Variants in HIVEP3 observed in about 807,000 individuals in gnomAD.
HIVEP3 encodes the protein HIVEP zinc finger 3, also known as transcription factor HIVEP3.
Under a neutral mutation model 152.8 loss-of-function variants are expected in HIVEP3, and 49 were observed. That is an observed-to-expected ratio of 0.32 (90% CI 0.26 to 0.41). The LOEUF (loss-of-function observed/expected upper bound fraction) is 0.41, where lower values mean the gene tolerates loss of function less well. HIVEP3 is among the 10% of genes least tolerant of loss of function. The probability of loss-of-function intolerance (pLI) is 1.00; values close to 1 mark genes in which losing one functional copy is unlikely to be tolerated. For synonymous variants in HIVEP3, 1,269 were observed against 1,289.0 expected, an observed-to-expected ratio of 0.98 and a Z score of 0.33; for missense variants, 2,790 against 3,103.3, an observed-to-expected ratio of 0.90 and a Z score of 2.40.
chr1:41,683,458 T>C (rs775203661), intron 2 of HIVEP3, among the ~76,000 whole-genome samples: 3 of 152,230 alleles, frequency 2.0e-5, no homozygotes, highest in Admixed American at 6.5e-5. Context: ...AGCTGTGAAG[T>C]GCTAACAATT....
chr1:41,951,672 G>A (rs570962084), intron 1 of HIVEP3, among the ~76,000 whole-genome samples: 25 of 152,138 alleles, frequency 1.6e-4, no homozygotes, highest in Non-Finnish European at 7.4e-5. Flanking sequence ...CTCAGGAAAC[G>A]TACAATCATG....
chr1:41,795,345 T>G (rs1207324568), intron 1 of HIVEP3, among the ~76,000 whole-genome samples: 2 of 152,158 alleles, frequency 1.3e-5, no homozygotes, highest in Non-Finnish European at 2.9e-5. Context: ...GGGCTGTGGG[T>G]TTTTGGAGGA....
intron 1 of HIVEP3, among the ~76,000 whole-genome samples, chr1:41,707,885 G>A (rs1646457593): frequency 2.0e-5 from 3 of 152,250 alleles, no homozygotes; most frequent in African/African-American, 7.2e-5. Flanking sequence ...GCTATCTGCA[G>A]CAATAGACCT....
chr1:41,639,305 C>T (rs1645335713), intron 2 of HIVEP3, among the ~76,000 whole-genome samples: 1 of 152,076 alleles, frequency 6.6e-6, no homozygotes, highest in Non-Finnish European at 1.5e-5. Context: ...TACTGGCATG[C>T]CTCATTTACC....
rs114167118 is a variant in HIVEP3, at chr1:41,878,447, A to G, written c.-801+39966T>C. Among the ~76,000 whole-genome samples the G allele has an allele frequency of 4.3e-4, 66 of 152,342 alleles. 1 individual carries two copies. Among genetic ancestry groups the G allele is most frequent in the African/African-American group, 1.5e-3 (63 of 41,572 alleles). ...TTCACAAGAAAAAAAGGGTAAGATT[A>G]TATCTAAACATTTCATTAGCATAAA... On this transcript the variant is annotated intron_variant, in intron 1 of 8. Coordinates refer to ENST00000372583, the MANE Select transcript of HIVEP3 (RefSeq NM_024503.5).
chr1:41,633,422 G>A (rs1250695963), intron 2 of HIVEP3, among the ~76,000 whole-genome samples: 3 of 152,202 alleles, frequency 2.0e-5, no homozygotes, highest in Admixed American at 1.3e-4. Context: ...GCTGGAGTGG[G>A]GTCCTGAAAT....
At chr1:41,930,721 A>C (rs967336140) in intron 1 of HIVEP3, among the ~76,000 whole-genome samples, 3 of 152,168 alleles carry the variant, frequency 2.0e-5, no homozygotes, top group Non-Finnish European at 4.4e-5. Context: ...ACCATTGTGC[A>C]TTCTTAACAA....
intron 1 of HIVEP3, among the ~76,000 whole-genome samples, chr1:41,780,821 G>A (rs1409472922): frequency 6.6e-6 from 1 of 152,192 alleles, no homozygotes; most frequent in Non-Finnish European, 1.5e-5. Flanking sequence ...AGCCAGGCAT[G>A]GAAGGTAGTG....
In HIVEP3 at chr1:41,524,722, GACTCTCTCT is replaced by G; in HGVS notation, c.5383+4_5383+12del. 1 of 1,612,678 alleles carries G rather than the reference GACTCTCTCT, an allele frequency of 6.2e-7. No individual in the cohort carries two copies. The highest frequency in any genetic ancestry group is 8.5e-7 in the Non-Finnish European group (1 of 1,179,488). ...AGCGGGCAGGGGCAGTGCCCCAGCT[GACTCTCTCT>G]TACCTTTGGTTTTAAAAGCAAAGTG... is the stretch of plus-strand genomic sequence containing the variant. On this transcript the variant is annotated splice_donor_5th_base_variant and intron_variant, in intron 6 of 8. Transcript: ENST00000372583.
At chr1:41,613,861 T>C (rs1644930354) in intron 3 of HIVEP3, among the ~76,000 whole-genome samples, 1 of 152,230 alleles carries the variant, frequency 6.6e-6, no homozygotes, top group African/African-American at 2.4e-5. Context: ...CTAGTTTCCA[T>C]CTCTATAAAT....
At chr1:41,816,759 T>C (rs796088328) in intron 1 of HIVEP3, among the ~76,000 whole-genome samples, 1 of 152,316 alleles carries the variant, frequency 6.6e-6, no homozygotes, top group African/African-American at 2.4e-5. Flanking sequence ...TATGTGTTTT[T>C]ATGTGTGGTT....
At chr1:42,001,809 C>G (rs1377607889) in intron 1 of HIVEP3, among the ~76,000 whole-genome samples, 2 of 152,118 alleles carry the variant, frequency 1.3e-5, no homozygotes, top group African/African-American at 4.8e-5. Context: ...CAGTCACTGC[C>G]TAAGTCTCCG....
At chr1:41,597,512 A>G (rs1644684233) in intron 3 of HIVEP3, among the ~76,000 whole-genome samples, 2 of 152,202 alleles carry the variant, frequency 1.3e-5, no homozygotes, top group South Asian at 4.1e-4. Context: ...ATTCCTCACA[A>G]TGACCCTTCA....
At chr1:41,894,474 C>T (rs1644498406) in intron 1 of HIVEP3, among the ~76,000 whole-genome samples, 1 of 152,224 alleles carries the variant, frequency 6.6e-6, no homozygotes, top group Non-Finnish European at 1.5e-5. Flanking sequence ...TCTCAACCTT[C>T]ATTCCATGTT....
chr1:41,544,867 C>T (rs890267225), intron 5 of HIVEP3, among the ~76,000 whole-genome samples: 27 of 118,766 alleles, frequency 2.3e-4, no homozygotes, highest in East Asian at 4.7e-4. Context: ...ACCACCACCA[C>T]CACCACCACT....
At chr1:41,852,104 G>A (rs899434390) in intron 1 of HIVEP3, among the ~76,000 whole-genome samples, 6 of 152,258 alleles carry the variant, frequency 3.9e-5, no homozygotes, top group Non-Finnish European at 8.8e-5. Context: ...GCTCTGGAGA[G>A]ATCCAAATAG....
intron 1 of HIVEP3, among the ~76,000 whole-genome samples, chr1:41,773,621 A>G (rs1441982228): frequency 1.3e-5 from 2 of 152,232 alleles, no homozygotes; most frequent in African/African-American, 4.8e-5. Flanking sequence ...TGTCATCTCT[A>G]ACAACCATCT....
intron 1 of HIVEP3, among the ~76,000 whole-genome samples, chr1:42,005,897 T>G (rs1029561109): frequency 6.6e-6 from 1 of 152,208 alleles, no homozygotes; most frequent in Non-Finnish European, 1.5e-5. Flanking sequence ...GCTGATAATC[T>G]CTTCTTGGCT....
intron 1 of HIVEP3, among the ~76,000 whole-genome samples, chr1:41,942,985 G>A (rs112995055): frequency 3.3e-5 from 5 of 151,838 alleles, no homozygotes; most frequent in African/African-American, 7.2e-5. Context: ...CTGCAAGCTC[G>A]GCCTCCCGGG....
Sources: gnomAD v4.1 joint callset for allele counts (sites outside exome capture counted in the v4.1 genomes callset) on GRCh38, gnomAD v4.1.1 for gene constraint, MANE v1.5 for transcripts, NCBI Gene and HGNC (gene_info 2026-07-23, HGNC 2026-07-21) for gene names.